The following CDH18 variants were observed in gnomAD, a reference collection of about 807,000 sequenced individuals.
CDH18 encodes cadherin 18.
CDH18 carries 31 observed loss-of-function variants against 67.9 expected under a neutral mutation model. The ratio of observed to expected loss-of-function variants is 0.46; its 90% confidence interval spans 0.34 to 0.62. The LOEUF (loss-of-function observed/expected upper bound fraction) is 0.62, where lower values mean the gene tolerates loss of function less well. CDH18 is among the 20% of genes least tolerant of loss of function. CDH18 has a pLI of 0.01. For missense variants in CDH18, 890 were observed against 975.5 expected, an observed-to-expected ratio of 0.91 and a Z score of 1.17; for synonymous variants, 362 against 347.2, an observed-to-expected ratio of 1.04 and a Z score of -0.48.
intron 1 of CDH18, among the ~76,000 whole-genome samples, chr5:20,310,351 T>G (rs749775639): frequency 9.9e-5 from 15 of 152,200 alleles, no homozygotes; most frequent in Non-Finnish European, 1.6e-4. Context: ...GCATATAGAC[T>G]GTACTTGTCT....
intron 4 of CDH18, among the ~76,000 whole-genome samples, chr5:19,743,972 A>G (rs1365969856): frequency 6.7e-6 from 1 of 148,920 alleles, no homozygotes; most frequent in Non-Finnish European, 1.5e-5. Flanking sequence ...TGAAAATATC[A>G]CCCATTCTTA....
At chr5:19,904,138 G>A (rs1231496795) in intron 2 of CDH18, among the ~76,000 whole-genome samples, 2 of 151,618 alleles carry the variant, frequency 1.3e-5, no homozygotes, top group Non-Finnish European at 2.9e-5. Flanking sequence ...GCCAGGCTTG[G>A]TGGCGGGCGC....
intron 2 of CDH18, among the ~76,000 whole-genome samples, chr5:20,052,521 G>A (rs572952182): frequency 1.4e-4 from 21 of 152,052 alleles, no homozygotes; most frequent in East Asian, 3.9e-4. Context: ...ACATGGGTGC[G>A]TGTATTCATG....
chr5:19,983,464 T>G (rs148696939), intron 1 of CDH18, among the ~76,000 whole-genome samples: 359 of 152,308 alleles, frequency 2.4e-3, no homozygotes, highest in African/African-American at 8.0e-3. Flanking sequence ...ATATTCCATG[T>G]GTTTTGAGTA....
At chr5:19,707,915 T>A (rs1037265111) in intron 5 of CDH18, among the ~76,000 whole-genome samples, 1 of 152,212 alleles carries the variant, frequency 6.6e-6, no homozygotes, top group Non-Finnish European at 1.5e-5. Flanking sequence ...ATTGCCCTTC[T>A]CCATCTGCAT....
intron 1 of CDH18, among the ~76,000 whole-genome samples, chr5:20,501,028 A>C (rs1377607765): frequency 2.0e-5 from 3 of 152,152 alleles, no homozygotes; most frequent in Non-Finnish European, 4.4e-5. Context: ...TAAGGACACA[A>C]ATATTCTAAA....
At chr5:20,083,370 GT>G (rs1025449935) in intron 2 of CDH18, among the ~76,000 whole-genome samples, 3 of 152,050 alleles carry the variant, frequency 2.0e-5, no homozygotes, top group South Asian at 2.1e-4. Flanking sequence ...AGATGCTGTG[GT>G]TTTTTTGTTG....
intron 1 of CDH18, among the ~76,000 whole-genome samples, chr5:20,503,027 A>T (rs1754427930): frequency 6.6e-6 from 1 of 152,136 alleles, no homozygotes; most frequent in Non-Finnish European, 1.5e-5. Context: ...ATTCTTACAC[A>T]GACAGAGAAA....
At chr5:20,127,655 G>T (rs1748942360) in intron 2 of CDH18, among the ~76,000 whole-genome samples, 1 of 151,998 alleles carries the variant, frequency 6.6e-6, no homozygotes, top group Admixed American at 6.6e-5. Context: ...CAAACACATG[G>T]AAACAAAAAG....
chr5:19,681,455 T>C (rs1760314417), intron 5 of CDH18, among the ~76,000 whole-genome samples: 1 of 152,164 alleles, frequency 6.6e-6, no homozygotes, highest in South Asian at 2.1e-4. Context: ...CCTCTTTATT[T>C]ATTATTTATT....
intron 2 of CDH18, among the ~76,000 whole-genome samples, chr5:20,100,452 C>T (rs1746357335): frequency 6.6e-6 from 1 of 152,078 alleles, no homozygotes; most frequent in Non-Finnish European, 1.5e-5. Context: ...ATATTTGCAC[C>T]AACCTAATAT....
chr5:20,444,824 T>C (rs2150196865), intron 1 of CDH18, among the ~76,000 whole-genome samples: 1 of 152,026 alleles, frequency 6.6e-6, no homozygotes, highest in Admixed American at 6.5e-5. Context: ...CGACTACATT[T>C]TATAAAAAGA....
intron 2 of CDH18, among the ~76,000 whole-genome samples, chr5:20,072,436 C>G (rs1400440930): frequency 2.0e-5 from 3 of 151,938 alleles, no homozygotes; most frequent in Admixed American, 2.0e-4. Context: ...ATTAAAAATT[C>G]ACACCTTTGA....
At chr5:20,545,494 C>A (rs1338223674) in intron 1 of CDH18, among the ~76,000 whole-genome samples, 1 of 152,164 alleles carries the variant, frequency 6.6e-6, no homozygotes, top group African/African-American at 2.4e-5. Flanking sequence ...GTTCCCAAAG[C>A]TCAACTCATG....
intron 5 of CDH18, among the ~76,000 whole-genome samples, chr5:19,652,774 C>G (rs1755768996): frequency 6.6e-6 from 1 of 152,102 alleles, no homozygotes; most frequent in African/African-American, 2.4e-5. Context: ...AGAAACAGAA[C>G]TAGGCATGAT....
intron 3 of CDH18, among the ~76,000 whole-genome samples, chr5:19,808,832 C>CAAAAAAAAAAAAAAAAAAA (rs1173922790): frequency 1.9e-5 from 1 of 53,934 alleles, no homozygotes; most frequent in Non-Finnish European, 3.2e-5. Flanking sequence ...AACTCTGTCT[C>CAAAAAAAAAAAAAAAAAAA]AAAAAAAAAA....
chr5:19,863,459 G>C (rs1217309613), intron 2 of CDH18, among the ~76,000 whole-genome samples: 1 of 152,120 alleles, frequency 6.6e-6, no homozygotes, highest in Admixed American at 6.5e-5. Context: ...TTAATATCTA[G>C]ATTGTCAGTA....
upstream of CDH18, among the ~76,000 whole-genome samples, chr5:19,992,245 T>A (rs1800027303): frequency 6.6e-6 from 1 of 152,124 alleles, no homozygotes; most frequent in Non-Finnish European, 1.5e-5. Context: ...CTGGCTCTCA[T>A]GTGGTAGTAT....
At chr5:19,701,995 C>G (rs985510909) in intron 5 of CDH18, among the ~76,000 whole-genome samples, 1 of 152,132 alleles carries the variant, frequency 6.6e-6, no homozygotes, top group East Asian at 1.9e-4. Context: ...TTTATCATGA[C>G]CTAAGTGGCT....
Sources: allele counts gnomAD v4.1 joint callset (sites outside exome capture counted in the v4.1 genomes callset), GRCh38; gene constraint gnomAD v4.1.1; transcripts MANE v1.5; gene names NCBI Gene and HGNC (gene_info 2026-07-23, HGNC 2026-07-21).